Variants in AGBL4 observed in about 807,000 individuals in gnomAD.
The protein encoded by AGBL4 is AGBL carboxypeptidase 4.
In AGBL4, 58 loss-of-function variants were observed where a neutral mutation model predicts 66.4. That is an observed-to-expected ratio of 0.87 (90% CI 0.71 to 1.09). AGBL4 has a LOEUF of 1.09. AGBL4 is among the 50% of genes least tolerant of loss of function. The pLI, the probability that AGBL4 is intolerant of heterozygous loss-of-function variation, is 0.00. For missense variants in AGBL4, 579 were observed against 631.0 expected, an observed-to-expected ratio of 0.92 and a Z score of 0.88; for synonymous variants, 234 against 222.9, an observed-to-expected ratio of 1.05 and a Z score of -0.44.
chr1:49,500,077 G>A (rs1363799999), intron 3 of AGBL4, among the ~76,000 whole-genome samples: 1 of 151,978 alleles, frequency 6.6e-6, no homozygotes, highest in Admixed American at 6.6e-5. Flanking sequence ...GTTTGCAGGA[G>A]TAACTTGGTA....
At position 49,234,956 on chromosome 1, in the gene AGBL4, A is replaced by AT. The variant is rs576754704; in HGVS notation, c.377+10813dup. Reference sequence around the variant, plus strand: ...TGTAAAATGGTCATAACAATCTCTGATTTTTCTGTCTCTTAGAGCAACTAT... The same window carrying AT: ...TGTAAAATGGTCATAACAATCTCTGATTTTTTCTGTCTCTTAGAGCAACTAT... On this transcript the variant is annotated intron_variant, in intron 4 of 13. Coordinates refer to ENST00000371839, the MANE Select transcript of AGBL4 (RefSeq NM_032785.4). Among the ~76,000 whole-genome samples, 41 of 152,220 alleles carry AT rather than the reference A, an allele frequency of 2.7e-4. No homozygotes were observed. The South Asian group carries it at 8.5e-3, about 32-fold the overall frequency.
rs573631069 is a variant in AGBL4 at position 48,603,949 on chromosome 1, A to AAAC, written c.952-12967_952-12965dup. On this transcript the variant is annotated intron_variant, in intron 9 of 13. Transcript: ENST00000371839. ...ACTGTCTCTACTAAGAAAAACAACA[A>AAAC]AACAACAACAACAACAACAACAACA... 8.4e-3 allele frequency among the ~76,000 whole-genome samples: 1,270 copies of AAAC among 151,696 alleles called. 12 individuals are homozygous for AAAC. Among genetic ancestry groups the AAAC allele is most frequent in the African/African-American group, 0.026 (1,079 of 41,318 alleles).
At chr1:48,874,142 G>A (rs79164261) in intron 5 of AGBL4, among the ~76,000 whole-genome samples, 4,742 of 152,258 alleles carry the variant, frequency 0.031, 128 homozygotes, top group Non-Finnish European at 0.049. Flanking sequence ...GCCATCGGGG[G>A]AGGACTTGGG....
At chr1:48,998,179 C>T (rs909244406) in intron 5 of AGBL4, among the ~76,000 whole-genome samples, 6 of 152,142 alleles carry the variant, frequency 3.9e-5, no homozygotes, top group African/African-American at 9.7e-5. Context: ...CATTTTCCTC[C>T]TGATTTAATA....
At chr1:48,795,539 T>C (rs1443030374) in intron 6 of AGBL4, among the ~76,000 whole-genome samples, 3 of 152,252 alleles carry the variant, frequency 2.0e-5, no homozygotes, top group Admixed American at 2.0e-4. Context: ...ACATCTTGCA[T>C]ACTAGAGTAC....
intron 2 of AGBL4, among the ~76,000 whole-genome samples, chr1:49,790,293 G>A (rs1298224706): frequency 3.3e-5 from 5 of 151,142 alleles, no homozygotes; most frequent in African/African-American, 9.7e-5. Flanking sequence ...GAACCCAGGA[G>A]GTGGAGGTTG....
At chr1:49,841,840 T>C in intron 2 of AGBL4, 1 of 450,252 alleles carries the variant, frequency 2.2e-6, no homozygotes, top group South Asian at 2.5e-5. Flanking sequence ...GGCCTTTGTC[T>C]CACAGTCAGG....
chr1:49,699,630 C>T (rs1338528515), intron 2 of AGBL4, among the ~76,000 whole-genome samples: 2 of 151,716 alleles, frequency 1.3e-5, no homozygotes, highest in East Asian at 3.9e-4. Context: ...GTTAAATAAG[C>T]CAGACGCAAA....
chr1:49,443,382 A>G (rs1379766544), intron 3 of AGBL4, among the ~76,000 whole-genome samples: 1 of 152,032 alleles, frequency 6.6e-6, no homozygotes, highest in East Asian at 1.9e-4. Flanking sequence ...ATGTTCTTCA[A>G]TATTTTTATA....
At chr1:49,736,346 T>A (rs2124730785) in intron 2 of AGBL4, among the ~76,000 whole-genome samples, 1 of 152,160 alleles carries the variant, frequency 6.6e-6, no homozygotes, top group East Asian at 1.9e-4. Flanking sequence ...TCTTTTCTTT[T>A]TTGTCTTAAA....
intron 3 of AGBL4, among the ~76,000 whole-genome samples, chr1:49,379,843 T>C (rs544440973): frequency 6.6e-6 from 1 of 152,182 alleles, no homozygotes; most frequent in East Asian, 1.9e-4. Flanking sequence ...AAATTCTCTT[T>C]TTTGGTTGTG....
At chr1:50,013,224 T>C (rs1661685771) in intron 1 of AGBL4, among the ~76,000 whole-genome samples, 1 of 152,180 alleles carries the variant, frequency 6.6e-6, no homozygotes, top group Non-Finnish European at 1.5e-5. Flanking sequence ...TAGTCCTCTG[T>C]CTTAGGGCTT....
chr1:48,585,621 A>G (rs1281940466), intron 11 of AGBL4: 5 of 152,384 alleles, frequency 3.3e-5, no homozygotes, highest in African/African-American at 1.2e-4. Flanking sequence ...GCAGACTGCA[A>G]GATGACCCTC....
chr1:49,778,480 TC>T (rs1644254633), intron 2 of AGBL4, among the ~76,000 whole-genome samples: 1 of 152,098 alleles, frequency 6.6e-6, no homozygotes, highest in African/African-American at 2.4e-5. Context: ...GAGAATTTCA[TC>T]CCTAATAACA....
At chr1:49,289,421 A>G (rs1250172605) in intron 3 of AGBL4, among the ~76,000 whole-genome samples, 10 of 152,166 alleles carry the variant, frequency 6.6e-5, no homozygotes, top group Admixed American at 6.5e-5. Context: ...AACCTATTAT[A>G]TGATTCTATT....
intron 4 of AGBL4, among the ~76,000 whole-genome samples, chr1:49,219,279 G>C (rs1199122169): frequency 6.6e-6 from 1 of 152,164 alleles, no homozygotes; most frequent in Non-Finnish European, 1.5e-5. Context: ...TTTAAAGGTA[G>C]TTTGCATATG....
chr1:49,602,377 A>C (rs961525464), intron 3 of AGBL4, among the ~76,000 whole-genome samples: 1 of 152,182 alleles, frequency 6.6e-6, no homozygotes, highest in Non-Finnish European at 1.5e-5. Flanking sequence ...TCATTCTACT[A>C]TAAAGATACA....
chr1:48,650,293 C>T (rs906620267), intron 8 of AGBL4, among the ~76,000 whole-genome samples: 4 of 152,188 alleles, frequency 2.6e-5, no homozygotes, highest in Non-Finnish European at 5.9e-5. Context: ...TGAGAGTCTG[C>T]ACGTCCAGAG....
chr1:49,938,648 T>G (rs1208923618), intron 1 of AGBL4, among the ~76,000 whole-genome samples: 1 of 152,164 alleles, frequency 6.6e-6, no homozygotes, highest in Non-Finnish European at 1.5e-5. Flanking sequence ...TTATCCACCA[T>G]GATCAAGTGG....
Sources: gnomAD v4.1 joint callset for allele counts (sites outside exome capture counted in the v4.1 genomes callset) on GRCh38, gnomAD v4.1.1 for gene constraint, MANE v1.5 for transcripts, NCBI Gene and HGNC (gene_info 2026-07-23, HGNC 2026-07-21) for gene names.